Variants in ZNF407 observed in about 807,000 individuals in gnomAD.
The protein encoded by ZNF407 is zinc finger protein 407.
Under a neutral mutation model 131.2 loss-of-function variants are expected in ZNF407, and 17 were observed. The ratio of observed to expected loss-of-function variants is 0.13; its 90% CI spans 0.09 to 0.19. ZNF407 has a LOEUF of 0.19. ZNF407 is among the 10% of genes least tolerant of loss of function. The pLI, the probability that ZNF407 is intolerant of heterozygous loss-of-function variation, is 1.00. For missense variants in ZNF407, 2,681 were observed against 2,830.6 expected (o/e 0.95, Z 1.20); for synonymous variants, 1,156 against 1,062.0 (o/e 1.09, Z -1.72).
At chr18:74,878,708 A>G (rs942160542) in intron 5 of ZNF407, among the ~76,000 whole-genome samples, 5 of 152,174 alleles carry the variant, frequency 3.3e-5, no homozygotes, top group Non-Finnish European at 7.4e-5. Flanking sequence ...ACTTGAAACT[A>G]ATTCAAGTTG....
At chr18:74,893,575 G>T (rs987587562) in intron 7 of ZNF407, among the ~76,000 whole-genome samples, 3 of 152,230 alleles carry the variant, frequency 2.0e-5, no homozygotes, top group East Asian at 1.9e-4. Flanking sequence ...ATGAAAAAAA[G>T]ATTTAAAAAT....
intron 3 of ZNF407, among the ~76,000 whole-genome samples, chr18:74,710,694 G>T (rs1224287063): frequency 6.6e-6 from 1 of 152,172 alleles, no homozygotes; most frequent in African/African-American, 2.4e-5. Context: ...GAGATAATAA[G>T]AATGCTTTTT....
At chr18:74,615,378 G>T (rs1402683591) in intron 1 of ZNF407, among the ~76,000 whole-genome samples, 2 of 152,176 alleles carry the variant, frequency 1.3e-5, no homozygotes. Flanking sequence ...GGTGGCGCAC[G>T]CCTGTAGTCC....
chr18:74,690,589 G>A (rs997690829), intron 3 of ZNF407, among the ~76,000 whole-genome samples: 4 of 152,140 alleles, frequency 2.6e-5, no homozygotes, highest in South Asian at 2.1e-4. Context: ...CTTGAGATTT[G>A]AAGTATTTGT....
At chr18:74,915,514 T>C (rs1455824282) in intron 7 of ZNF407, among the ~76,000 whole-genome samples, 1 of 122,102 alleles carries the variant, frequency 8.2e-6, no homozygotes, top group Non-Finnish European at 1.7e-5. Flanking sequence ...ATGTGTGTGC[T>C]GGTATGGTGA....
At chr18:74,955,471 A>G (rs569430936) in intron 8 of ZNF407, among the ~76,000 whole-genome samples, 1 of 152,346 alleles carries the variant, frequency 6.6e-6, no homozygotes, top group South Asian at 2.1e-4. Flanking sequence ...TCAGGAAAAT[A>G]GCTGATATAT....
At chr18:74,966,932 CT>C (rs1425467129) in intron 8 of ZNF407, among the ~76,000 whole-genome samples, 3 of 152,092 alleles carry the variant, frequency 2.0e-5, no homozygotes, top group Non-Finnish European at 4.4e-5. Context: ...AATGGGATTA[CT>C]TTTTAAATTT....
intron 2 of ZNF407, among the ~76,000 whole-genome samples, chr18:74,639,937 T>C (rs1984633071): frequency 6.6e-6 from 1 of 152,138 alleles, no homozygotes; most frequent in Non-Finnish European, 1.5e-5. Flanking sequence ...TTTATTACAA[T>C]TTTTTAAATT....
At chr18:74,719,857 A>G (rs528621386) in intron 3 of ZNF407, among the ~76,000 whole-genome samples, 1 of 152,326 alleles carries the variant, frequency 6.6e-6, no homozygotes, top group South Asian at 2.1e-4. Flanking sequence ...ATGGCTGAGT[A>G]ATACTCCATT....
At chr18:74,688,320 A>T (rs1339533681) in intron 3 of ZNF407, among the ~76,000 whole-genome samples, 1 of 152,262 alleles carries the variant, frequency 6.6e-6, no homozygotes, top group East Asian at 1.9e-4. Context: ...ACATAATCAA[A>T]TATAGATGCA....
At chr18:74,935,589 G>A (rs1482983152) in intron 8 of ZNF407, among the ~76,000 whole-genome samples, 2 of 152,172 alleles carry the variant, frequency 1.3e-5, no homozygotes, top group East Asian at 1.9e-4. Context: ...TGTGTGCTAC[G>A]GGGTGGCAAT....
intron 3 of ZNF407, among the ~76,000 whole-genome samples, chr18:74,680,412 A>T (rs1966955217): frequency 6.6e-6 from 1 of 151,412 alleles, no homozygotes; most frequent in African/African-American, 2.4e-5. Flanking sequence ...AAAAAAAAAA[A>T]AAAATAGAAC....
At chr18:74,727,907 C>T (rs1968197146) in intron 3 of ZNF407, among the ~76,000 whole-genome samples, 1 of 152,108 alleles carries the variant, frequency 6.6e-6, no homozygotes, top group Non-Finnish European at 1.5e-5. Context: ...GGTATCTAGG[C>T]TGGATTCGGA....
intron 3 of ZNF407, among the ~76,000 whole-genome samples, chr18:74,706,751 A>C (rs993090864): frequency 2.6e-5 from 4 of 152,182 alleles, no homozygotes; most frequent in Non-Finnish European, 5.9e-5. Flanking sequence ...GTACTTGTAG[A>C]ATTTGACCTT....
intron 3 of ZNF407, among the ~76,000 whole-genome samples, chr18:74,674,864 C>T (rs474639): frequency 0.82 from 125,197 of 152,178 alleles, 51,936 homozygotes; most frequent in Middle Eastern, 0.88. Flanking sequence ...TACCCCCTCG[C>T]TGGGTAGTGT....
chr18:74,733,632 G>C (rs941794333), intron 3 of ZNF407, among the ~76,000 whole-genome samples: 1 of 152,170 alleles, frequency 6.6e-6, no homozygotes, highest in Non-Finnish European at 1.5e-5. Flanking sequence ...CAAGCACTAA[G>C]CAGTGATCCT....
chr18:74,637,067 A>G (rs1242071550), intron 2 of ZNF407, among the ~76,000 whole-genome samples: 3 of 152,234 alleles, frequency 2.0e-5, no homozygotes, highest in Non-Finnish European at 2.9e-5. Flanking sequence ...CATGTTGCTT[A>G]TAATTGATGT....
At chr18:74,792,882 G>A (rs2145053303) in intron 4 of ZNF407, among the ~76,000 whole-genome samples, 1 of 152,306 alleles carries the variant, frequency 6.6e-6, no homozygotes, top group Non-Finnish European at 1.5e-5. Context: ...GTCAATTGTG[G>A]AGCAGTTTCT....
rs574210238 is a variant in ZNF407, at chr18:74,648,121, G to A, written c.4802+6999G>A. On this transcript the variant is annotated intron_variant, in intron 3 of 8. Transcript: ENST00000299687. ...TCTTTAGGGTTAAAAAGGTCAAAAC[G>A]ACACCTGCCTCAGATGGAGAAAGCT... 1.9e-3 allele frequency among the ~76,000 whole-genome samples: 289 copies of A among 152,262 alleles called. 1 individual carries two copies. The highest frequency in any genetic ancestry group is 2.8e-3 in the Non-Finnish European group (189 of 68,018).
Sources: allele counts gnomAD v4.1 joint callset (sites outside exome capture counted in the v4.1 genomes callset), GRCh38; gene constraint gnomAD v4.1.1; transcripts MANE v1.5; gene names NCBI Gene and HGNC (gene_info 2026-07-23, HGNC 2026-07-21).